The following CUL4B variants were observed in gnomAD, a reference collection of about 807,000 sequenced individuals.
The protein encoded by CUL4B is cullin-4B.
In CUL4B, 1 loss-of-function variant was observed where a neutral mutation model predicts 69.2. That is an observed-to-expected ratio of 0.01 (90% confidence interval 0.01 to 0.07). The LOEUF (loss-of-function observed/expected upper bound fraction) is 0.07, where lower values mean the gene tolerates loss of function less well. Ranked by LOEUF, CUL4B falls within the 10% of genes least tolerant of loss-of-function variation. The probability of loss-of-function intolerance (pLI) is 1.00; values close to 1 mark genes in which losing one functional copy is unlikely to be tolerated. For synonymous variants in CUL4B, 237 were observed against 223.2 expected, an observed-to-expected ratio of 1.06 and a Z score of -0.55; for missense variants, 328 against 638.8, an observed-to-expected ratio of 0.51 and a Z score of 5.24.
upstream of CUL4B, among the ~76,000 whole-genome samples, chrX:120,563,961 A>G (rs967868383): frequency 1.8e-5 from 2 of 112,354 alleles, no homozygotes; most frequent in Admixed American, 1.9e-4. Flanking sequence ...CCTATCTCAC[A>G]TGGTTATCTA....
chrX:120,559,757 C>G lies in CUL4B; in HGVS notation c.556+326G>C, dbSNP rs1049854119. 4.8e-6 allele frequency: 5 copies of G among 1,041,060 alleles called. No individual in the cohort carries two copies. The South Asian group carries it at 9.9e-5, about 21-fold the overall frequency. 85.8% of individuals were successfully genotyped at this position (1,041,060 alleles called of 1,213,427 possible). On this transcript the variant is annotated intron_variant, in intron 1 of 19. Transcript: ENST00000371322. ...CTATGCACCTGAAATAAATAAACCT[C>G]TTTAGAATACAAATTTCTCACCTGC...
At chrX:120,564,710 C>G (rs1339855701), upstream of CUL4B, among the ~76,000 whole-genome samples, 1 of 112,533 alleles carries the variant, frequency 8.9e-6, no homozygotes, top group Non-Finnish European at 1.9e-5. Context: ...TCTGTACACC[C>G]AAATGTTTGC....
chrX:120,575,014 C>T (rs1258348576), intron 1 of CUL4B, among the ~76,000 whole-genome samples: 2 of 111,679 alleles, frequency 1.8e-5, no homozygotes, highest in Non-Finnish European at 1.9e-5. Context: ...CTTCAAAGTA[C>T]TATCTCACTT....
At chrX:120,541,545 A>T in intron 10 of CUL4B, 57 bp downstream of exon 10, 1 of 797,714 alleles carries the variant, frequency 1.3e-6, no homozygotes, top group Non-Finnish European at 1.9e-6. Flanking sequence ...GCCAATATGC[A>T]CTCTTGATGT....
intron 10 of CUL4B, among the ~76,000 whole-genome samples, chrX:120,540,782 C>A (rs915559567): frequency 1.8e-5 from 2 of 112,044 alleles, no homozygotes; most frequent in African/African-American, 3.2e-5. Flanking sequence ...GAGTTACAGG[C>A]ATGTACCACT....
chrX:120,564,674 G>T (rs1242079254), upstream of CUL4B, among the ~76,000 whole-genome samples: 1 of 112,466 alleles, frequency 8.9e-6, no homozygotes, highest in East Asian at 2.8e-4. Context: ...ACTAATTGAG[G>T]CTAGTTGAAG....
upstream of CUL4B, chrX:120,561,318 T>C: frequency 1.8e-6 from 1 of 555,458 alleles, no homozygotes; most frequent in Non-Finnish European, 3.3e-6. Flanking sequence ...CACCGGGAAC[T>C]CCCACTCCCT....
chrX:120,547,368 C>T (rs1482742042), intron 2 of CUL4B, 129 bp from the exon 3 acceptor site: 3 of 492,612 alleles, frequency 6.1e-6, no homozygotes, highest in Non-Finnish European at 1.1e-5. Context: ...ACTTAAGACA[C>T]AAGGTAAAAC....
At chrX:120,574,775 C>A in intron 1 of CUL4B, 1 of 510,170 alleles carries the variant, frequency 2.0e-6, no homozygotes, top group Admixed American at 2.9e-5. Flanking sequence ...TTTTGGTCTG[C>A]TAATCACATC....
At chrX:120,561,711 C>A (rs969539673), upstream of CUL4B, among the ~76,000 whole-genome samples, 3 of 109,484 alleles carry the variant, frequency 2.7e-5, no homozygotes, top group Admixed American at 2.9e-4. Flanking sequence ...AGAATAGAAA[C>A]TTTGAAAGAG....
chrX:120,566,345 G>GTATATATATATATATA (rs537274243), upstream of CUL4B, among the ~76,000 whole-genome samples: 21 of 40,934 alleles, frequency 5.1e-4, no homozygotes, highest in East Asian at 1.9e-3. Flanking sequence ...GTGTGTATAG[G>GTATATATATATATATA]TATATATATA....
At position 120,526,946 on chromosome X, in the gene CUL4B, C is replaced by T. The variant is rs5957406; in HGVS notation, c.2593-90G>A. 9,688 of 464,073 alleles carry T rather than the reference C, an allele frequency of 0.021. 690 individuals carry two copies. The highest frequency in any genetic ancestry group is 0.2 in the African/African-American group (8,420 of 41,599). The allele number at this position is 464,073 out of a possible 1,213,427, so 38.2% of individuals were successfully genotyped here. On this transcript the variant is annotated intron_variant, in intron 19 of 19. Transcript: ENST00000371322. ...TACCCCATTAAAAAGACAACAGTTT[C>T]GGCTCATGAATTTAATCTCCTTTTT... is the stretch of plus-strand genomic sequence containing the variant.
chrX:120,535,404 T>G (rs769537833), intron 16 of CUL4B, among the ~76,000 whole-genome samples: 4 of 110,454 alleles, frequency 3.6e-5, no homozygotes, highest in Non-Finnish European at 5.7e-5. Context: ...GATACAATTA[T>G]AAAACAACAG....
Position 120,542,975 on chromosome X carries a change from G to T in CUL4B, c.1315C>A (p.Leu439Ile). ...ACAAATTGCCAATTACCTTTCTGAA[G>T]AATTGCTGTTAAGTGTTCACCTAGA... ...QLLGEHLTAILQKGLNNLLDE... is the reference protein window; with the variant it reads ...QLLGEHLTAIIQKGLNNLLDE... Residue 439 changes from leucine (L) to isoleucine (I), a missense_variant, in exon 9 of 20, where the codon CTT (leucine) becomes ATT (isoleucine). Leu to Ile is a conservative substitution (Grantham distance 5). Around this residue, in one of 4 missense-constraint regions of CUL4B, gnomAD observed 126 missense variants for 202.5 expected, o/e 0.62. Transcript: ENST00000371322. 8.4e-7 allele frequency: 1 copy of T among 1,194,506 alleles called. No individual in the cohort carries two copies. Among genetic ancestry groups the T allele is most frequent in the Non-Finnish European group, 1.1e-6 (1 of 881,654 alleles).
chrX:120,540,410 C>T lies in CUL4B; in HGVS notation c.1596G>A (p.Thr532=), dbSNP rs1223187356. 3.3e-6 allele frequency: 4 copies of T among 1,209,939 alleles called. No individual in the cohort carries two copies. The highest frequency in any genetic ancestry group is 1.8e-5 in the South Asian group (1 of 56,926). Residue 532 remains threonine (T), a synonymous_variant, in exon 11 of 20, where the codon ACG becomes ACA. Coordinates refer to ENST00000371322, the MANE Select transcript of CUL4B (RefSeq NM_001079872.2). ...GTTTATTTGGTCTTTTGTTAATGAA[C>T]GTTTCAAATGCTTCTTTCATGGCAT... The part of the protein sequence containing the change: ...FINAMKEAFE[T]FINKRPNKPA...
intron 12 of CUL4B, 59 bp from the exon 13 acceptor site, chrX:120,538,829 C>G: frequency 1.4e-6 from 1 of 699,260 alleles, no homozygotes; most frequent in South Asian, 2.3e-5. Context: ...GACAAAACTG[C>G]TTTAAAGTGC....
At chrX:120,535,983 C>T in intron 15 of CUL4B, 40 bp from the exon 16 acceptor site, 1 of 938,265 alleles carries the variant, frequency 1.1e-6, no homozygotes, top group Non-Finnish European at 1.5e-6. Flanking sequence ...AGCTCTGTAT[C>T]CAATACCACA....
chrX:120,559,951 C>T (rs1440169678), intron 1 of CUL4B, 132 bp downstream of exon 1: 6 of 1,165,183 alleles, frequency 5.1e-6, no homozygotes, highest in Non-Finnish European at 6.9e-6. Flanking sequence ...AAGGACCTCC[C>T]CTCCACCTCA....
intron 16 of CUL4B, among the ~76,000 whole-genome samples, chrX:120,535,619 T>A (rs1160604593): frequency 1.0e-5 from 1 of 95,625 alleles, no homozygotes; most frequent in Non-Finnish European, 2.0e-5. Flanking sequence ...GGCAGGAGAA[T>A]CACCTGAACC....
Sources: allele counts gnomAD v4.1 joint callset (sites outside exome capture counted in the v4.1 genomes callset), GRCh38; gene constraint gnomAD v4.1.1; regional missense constraint gnomAD v4.1.1; transcripts MANE v1.5; gene names NCBI Gene and HGNC (gene_info 2026-07-23, HGNC 2026-07-21).